The following MPND variants were observed in gnomAD, a reference collection of about 807,000 sequenced individuals.
MPND encodes MPN domain containing.
In MPND, 56 loss-of-function variants were observed where a neutral mutation model predicts 59.2. The observed-to-expected ratio is 0.95, with a 90% CI of 0.76 to 1.18. The LOEUF is 1.18. Ranked by LOEUF, MPND falls within the 50% of genes most tolerant of loss-of-function variation. The pLI is 0.00. For missense variants in MPND, 671 were observed against 676.0 expected (o/e 0.99, Z 0.08); for synonymous variants, 323 against 291.9 (o/e 1.11, Z -1.09).
chr19:4,351,014 C>T (rs896596835), intron 3 of MPND, among the ~76,000 whole-genome samples: 4 of 152,028 alleles, frequency 2.6e-5, no homozygotes, highest in African/African-American at 9.7e-5. Context: ...CAGATGCTGC[C>T]GAGAAGGTGA....
At chr19:4,355,492 C>T (rs548610122) in intron 8 of MPND, among the ~76,000 whole-genome samples, 1 of 152,130 alleles carries the variant, frequency 6.6e-6, no homozygotes, top group Non-Finnish European at 1.5e-5. Flanking sequence ...CCTGCCACCA[C>T]GCCCAGCTAA....
Position 4,359,951 on chromosome 19 carries a change from C to A in MPND, c.1455C>A (p.Ser485Arg), listed in dbSNP as rs764550607. Residue 485 changes from serine (S) to arginine (R), a missense_variant, in exon 13 of 13, where the codon AGC (serine) becomes AGA (arginine). Physicochemically the swap from Ser to Arg is moderately radical, Grantham distance 110. Coordinates refer to ENST00000599840, the MANE Select transcript of MPND (RefSeq NM_001300862.2). Reference protein sequence around the residue: ...SLASRTPKDQSLCHVLEQVCG... With the variant: ...SLASRTPKDQRLCHVLEQVCG... The stretch of plus-strand genomic sequence containing the variant: ...CCAGCAGGACGCCCAAGGACCAGAG[C>A]CTGTGTCACGTCCTGGAACAGGTGT... The A allele has an allele frequency of 1.1e-5, 17 of 1,575,502 alleles. No individual in the cohort carries two copies. The Admixed American group carries it at 3.1e-4, about 28-fold the overall frequency.
chr19:4,353,098 G>C, intron 4 of MPND, 69 bp downstream of exon 4: 1 of 1,246,582 alleles, frequency 8.0e-7, no homozygotes, highest in Non-Finnish European at 1.0e-6. Context: ...AGACTGGGGA[G>C]AGGTTGGGCC....
At chr19:4,357,211 G>C in intron 8 of MPND, 42 bp from the exon 9 acceptor site, 1 of 1,549,858 alleles carries the variant, frequency 6.5e-7, no homozygotes, top group Non-Finnish European at 8.7e-7. Context: ...CACTAGAGCC[G>C]TTCAGGCCCC....
intron 8 of MPND, chr19:4,356,947 A>T: frequency 3.6e-6 from 1 of 277,590 alleles, no homozygotes. Context: ...GCCTAGTTTT[A>T]ACTGTTTGTT....
In MPND at chr19:4,345,963, T is replaced by C; in HGVS notation, c.513T>C (p.Pro171=). Residue 171 remains proline, a synonymous_variant, in exon 3 of 13, where the codon CCT becomes CCC. Transcript: ENST00000599840. ...TCCGGCTGCACCAGCTGCACACGCC[T>C]GCCACGGCTGCTGATGAGGTACGTG... is the stretch of plus-strand genomic sequence containing the variant. ...TWLRLHQLHT[P]ATAADESPAS... 1.2e-6 allele frequency: 2 copies of C among 1,612,424 alleles called. No individual in the cohort carries two copies. The highest frequency in any genetic ancestry group is 1.7e-6 in the Non-Finnish European group (2 of 1,179,612).
At chr19:4,359,278 C>T (rs1354109227) in intron 12 of MPND, 23 bp downstream of exon 12, 1 of 1,596,976 alleles carries the variant, frequency 6.3e-7, no homozygotes, top group Admixed American at 1.7e-5. Context: ...TCCCCGCAGA[C>T]CTCCTAACGG....
At chr19:4,354,486 C>G in intron 6 of MPND, 66 bp downstream of exon 6, 1 of 1,297,640 alleles carries the variant, frequency 7.7e-7, no homozygotes. Flanking sequence ...GCGGGCGGGG[C>G]TCCCCTGCGT....
At position 4,343,785 on chromosome 19, in the gene MPND, G is replaced by A. The variant is rs1016429323; in HGVS notation, c.85G>A (p.Asp29Asn). The A allele has an allele frequency of 1.1e-5, 13 of 1,208,516 alleles. No homozygotes were observed. Among genetic ancestry groups the A allele is most frequent in the Non-Finnish European group, 1.3e-5 (13 of 972,492 alleles). 74.9% of individuals were successfully genotyped at this position (1,208,516 alleles called of 1,614,324 possible). Residue 29 changes from aspartate (D) to asparagine (N), a missense_variant, in exon 2 of 13, where the codon GAC (aspartate) becomes AAC (asparagine). Coordinates refer to ENST00000599840, the MANE Select transcript of MPND (RefSeq NM_001300862.2). ...GGACGAGGACGAAGCGGAGGCCGAG[G>A]ACCCTGAGCGGCCGAATGCGGGAGC... ...EEDEDEAEAEDPERPNAGAGG... is the reference protein window; with the variant it reads ...EEDEDEAEAENPERPNAGAGG...
chr19:4,343,627 C>CGTGGG, intron 1 of MPND, 27 bp downstream of exon 1: 1 of 779,852 alleles, frequency 1.3e-6, no homozygotes, highest in South Asian at 5.1e-5. Flanking sequence ...GGGGCGGAGG[C>CGTGGG]GCGGGGCGCG....
chr19:4,347,549 A>G (rs963908663), intron 3 of MPND, among the ~76,000 whole-genome samples: 9 of 152,088 alleles, frequency 5.9e-5, no homozygotes, highest in Admixed American at 3.3e-4. Flanking sequence ...GCCTGTAGAT[A>G]TGTTTTCATA....
intron 10 of MPND, 156 bp from the exon 11 acceptor site, chr19:4,357,927 C>CTG: frequency 1.5e-6 from 1 of 648,874 alleles, no homozygotes. Context: ...GGATGCTACA[C>CTG]TGCCTCCCTG....
At position 4,360,043 on chromosome 19, in the gene MPND, C is replaced by T. The variant is rs375446175; in HGVS notation, c.*41C>T. 138 of 1,506,614 alleles carry T rather than the reference C, an allele frequency of 9.2e-5. No homozygotes were observed. Among genetic ancestry groups the T allele is most frequent in the South Asian group, 2.8e-4 (23 of 82,800 alleles). 93.3% of individuals were successfully genotyped at this position (1,506,614 alleles called of 1,614,324 possible). On this transcript the variant is annotated 3_prime_UTR_variant, in exon 13 of 13. Coordinates refer to ENST00000599840, the MANE Select transcript of MPND (RefSeq NM_001300862.2). ...GTGGGCTCCAGTTGTCTTGAGGGTC[C>T]GGATGGGCTCAGGTAATAAAGAAAC...
In MPND at chr19:4,344,108, C is replaced by T. The variant is rs534358520; in HGVS notation, c.294+114C>T. ...AGTGTAGGGAGGGGACACTGAGGCC[C>T]GGAGCTCCCTTGCTGAGAGACGAGC... On this transcript the variant is annotated intron_variant, in intron 2 of 12. Transcript: ENST00000599840. 286 of 770,844 alleles carry T rather than the reference C, an allele frequency of 3.7e-4. 7 individuals are homozygous for T. The South Asian group carries it at 0.016, about 44-fold the overall frequency. The allele number at this position is 770,844 out of a possible 1,614,324, so 47.8% of individuals were successfully genotyped here.
intron 8 of MPND, 112 bp from the exon 9 acceptor site, chr19:4,357,141 T>G (rs1972454427): frequency 8.2e-7 from 1 of 1,226,990 alleles, no homozygotes; most frequent in African/African-American, 1.5e-5. Context: ...TGGTCATCAC[T>G]GTGTCCCCAG....
In MPND at chr19:4,355,164, C is replaced by G. The variant is rs201494111; in HGVS notation, c.987C>G (p.Ile329Met). The G allele has an allele frequency of 4.1e-5, 66 of 1,612,854 alleles. No individual in the cohort carries two copies. The highest frequency in any genetic ancestry group is 2.0e-4 in the Admixed American group (12 of 59,978). Residue 329 changes from isoleucine to methionine, a missense_variant, in exon 8 of 13, where the codon ATC becomes ATG. Physicochemically the swap from Ile to Met is conservative, Grantham distance 10. Transcript: ENST00000599840. ...RLGDAETAAA[I>M]EEEIYQSLFL... ...GGGACGCAGAGACTGCAGCTGCCAT[C>G]GAAGAGGAGGTGAGGGGCTACCTGG... is the stretch of plus-strand genomic sequence containing the variant.
chr19:4,352,989 G>A lies in MPND; in HGVS notation c.624G>A (p.Arg208=). The A allele has an allele frequency of 7.3e-7, 1 of 1,370,424 alleles. No homozygotes were observed. The highest frequency in any genetic ancestry group is 9.5e-7 in the Non-Finnish European group (1 of 1,052,282). The allele number at this position is 1,370,424 out of a possible 1,614,324, so 84.9% of individuals were successfully genotyped here. ...LAGVSAEDKS[R]RPLGKSPSEP... Reference sequence around the variant, plus strand: ...GGGTCTCAGCAGAGGACAAGAGTCGGAGACCACTGGGGAAGAGCCCTTCAG... The same window carrying A: ...GGGTCTCAGCAGAGGACAAGAGTCGAAGACCACTGGGGAAGAGCCCTTCAG... The change falls in exon 4 of 13, where the codon CGG becomes CGA. Residue 208 remains arginine, a synonymous_variant. Coordinates refer to ENST00000599840, the MANE Select transcript of MPND (RefSeq NM_001300862.2).
Position 4,357,365 on chromosome 19 carries a change from A to G in MPND, c.1109A>G (p.Gln370Arg), listed in dbSNP as rs759011623. Residue 370 changes from glutamine to arginine, a missense_variant, in exon 9 of 13, where the codon CAG becomes CGG. Gln to Arg is a conservative substitution (Grantham distance 43, BLOSUM62 1). Transcript: ENST00000599840. ...LQDIDAQMDYQLRLQGSSNGF... is the reference protein window; with the variant it reads ...LQDIDAQMDYRLRLQGSSNGF... Reference sequence around the variant, plus strand: ...GACATCGACGCACAGATGGACTACCAGCTGCGGCTGCAGGGCTCCAGCAAT... The same window carrying G: ...GACATCGACGCACAGATGGACTACCGGCTGCGGCTGCAGGGCTCCAGCAAT... 5 of 1,613,130 alleles carry G rather than the reference A, an allele frequency of 3.1e-6. No individual in the cohort carries two copies. The African/African-American group carries it at 5.3e-5, about 17-fold the overall frequency.
At position 4,345,762 on chromosome 19, in the gene MPND, C is replaced by A. The variant is rs780086574; in HGVS notation, c.312C>A (p.Gly104=). 1.9e-6 allele frequency: 3 copies of A among 1,613,782 alleles called. No homozygotes were observed. The South Asian group carries it at 3.3e-5, about 18-fold the overall frequency. The part of the protein sequence containing the change: ...SIYYLGKKFL[G]DLQPDGRIMW... The stretch of plus-strand genomic sequence containing the variant: ...CACTGCAGGGGAAGAAGTTCCTGGG[C>A]GACCTGCAGCCAGACGGAAGGATCA... The change falls in exon 3 of 13, where the codon GGC becomes GGA. Residue 104 remains glycine (G), a synonymous_variant. Transcript: ENST00000599840.
Sources: gnomAD v4.1 joint callset for allele counts (sites outside exome capture counted in the v4.1 genomes callset) on GRCh38, gnomAD v4.1.1 for gene constraint, MANE v1.5 for transcripts, NCBI Gene and HGNC (gene_info 2026-07-23, HGNC 2026-07-21) for gene names.